TXNDC16: variants seen among roughly 807,000 people sequenced by gnomAD.
The protein encoded by TXNDC16 is thioredoxin domain-containing protein 16.
TXNDC16 carries 74 observed loss-of-function variants against 85.6 expected under a neutral mutation model. That is an observed-to-expected ratio of 0.86 (90% CI 0.72 to 1.05). The LOEUF is 1.05. Among genes scored for constraint, TXNDC16 ranks in the 50% least tolerant of loss-of-function variants. TXNDC16 has a pLI of 0.00. For missense variants in TXNDC16, 959 were observed against 947.0 expected (o/e 1.01, Z -0.17); for synonymous variants, 335 against 326.5 (o/e 1.03, Z -0.28).
rs561689042 is a variant in TXNDC16 at position 52,546,206 on chromosome 14, T to C, written c.-181-1835A>G. Among the ~76,000 whole-genome samples, 6 of 152,152 alleles carry C rather than the reference T, an allele frequency of 3.9e-5. No individual in the cohort carries two copies. The South Asian group carries it at 6.2e-4, about 16-fold the overall frequency. The stretch of plus-strand genomic sequence containing the variant: ...GGAAGCTAAGTCGGGAGGATCGTGA[T>C]TGAGGCTGCAGTGAGCCATGATCAT... On this transcript the variant is annotated intron_variant, in intron 1 of 20. Coordinates refer to ENST00000281741, the MANE Select transcript of TXNDC16 (RefSeq NM_020784.3).
chr14:52,519,866 G>T (rs551194151), intron 6 of TXNDC16, among the ~76,000 whole-genome samples: 9 of 152,282 alleles, frequency 5.9e-5, no homozygotes, highest in Non-Finnish European at 8.8e-5. Flanking sequence ...TCCTGTGTAA[G>T]TAAGCCTGTA....
At chr14:52,484,202 G>GA (rs1199755636) in intron 12 of TXNDC16, among the ~76,000 whole-genome samples, 1 of 150,772 alleles carries the variant, frequency 6.6e-6, no homozygotes, top group African/African-American at 2.4e-5. Context: ...ACAATAAGGG[G>GA]GGGGGGTGAT....
intron 9 of TXNDC16, among the ~76,000 whole-genome samples, chr14:52,504,093 A>G (rs1277966038): frequency 6.6e-6 from 1 of 152,236 alleles, no homozygotes; most frequent in Non-Finnish European, 1.5e-5. Flanking sequence ...TCTACGTCTG[A>G]CTGGTATACC....
chr14:52,444,876 G>C, intron 18 of TXNDC16, among the ~76,000 whole-genome samples: 1 of 152,072 alleles, frequency 6.6e-6, no homozygotes, highest in Non-Finnish European at 1.5e-5. Flanking sequence ...CTAAAAGGAT[G>C]TTCCCTGAAT....
At chr14:52,437,120 T>A (rs2035047435) in intron 20 of TXNDC16, among the ~76,000 whole-genome samples, 1 of 152,124 alleles carries the variant, frequency 6.6e-6, no homozygotes, top group Non-Finnish European at 1.5e-5. Flanking sequence ...ATATCCATAC[T>A]ACAAATATAA....
chr14:52,513,638 T>C (rs1313931367), intron 8 of TXNDC16, among the ~76,000 whole-genome samples: 1 of 147,232 alleles, frequency 6.8e-6, no homozygotes, highest in Admixed American at 6.9e-5. Flanking sequence ...AGATCAGATA[T>C]ATACATATTC....
At chr14:52,460,569 T>C (rs1298239531) in intron 16 of TXNDC16, among the ~76,000 whole-genome samples, 4 of 152,158 alleles carry the variant, frequency 2.6e-5, no homozygotes, top group Admixed American at 2.0e-4. Context: ...GAAAGTTACT[T>C]TGAGGTCAAA....
intron 16 of TXNDC16, among the ~76,000 whole-genome samples, chr14:52,459,793 T>C (rs1255821097): frequency 6.6e-6 from 1 of 152,172 alleles, no homozygotes; most frequent in Non-Finnish European, 1.5e-5. Flanking sequence ...ATTTATCTCA[T>C]AAACAGAACT....
At position 52,432,208 on chromosome 14, in the gene TXNDC16, T is replaced by C; in HGVS notation, c.*96A>G. ...ATATTATAATTCTATTGGATGGCAC[T>C]AGTCTGCAAACTTGAAATGATTTAA... On this transcript the variant is annotated 3_prime_UTR_variant, in exon 21 of 21. Coordinates refer to ENST00000281741, the MANE Select transcript of TXNDC16 (RefSeq NM_020784.3). 2 of 1,082,092 alleles carry C rather than the reference T, an allele frequency of 1.8e-6. No homozygotes were observed. Among genetic ancestry groups the C allele is most frequent in the South Asian group, 1.8e-5 (1 of 54,520 alleles). The allele number at this position is 1,082,092 out of a possible 1,614,324, so 67.0% of individuals were successfully genotyped here.
chr14:52,488,209 T>C (rs138351002), intron 12 of TXNDC16, among the ~76,000 whole-genome samples, 154 bp downstream of exon 12: 1 of 152,338 alleles, frequency 6.6e-6, no homozygotes. Context: ...ACAAATCAAC[T>C]TGATAAAATG....
At chr14:52,506,581 G>A (rs28804506) in intron 9 of TXNDC16, among the ~76,000 whole-genome samples, 18,219 of 111,210 alleles carry the variant, frequency 0.16, 2,029 homozygotes, top group Admixed American at 0.21. Context: ...ACGGAGTCTC[G>A]CTCTGTCGCC....
intron 15 of TXNDC16, 50 bp from the exon 16 acceptor site, chr14:52,470,223 AGTTTGT>A: frequency 7.2e-7 from 1 of 1,398,362 alleles, no homozygotes; most frequent in African/African-American, 1.5e-5. Flanking sequence ...AGATATTTTC[AGTTTGT>A]AAAAAAAAAG....
intron 6 of TXNDC16, among the ~76,000 whole-genome samples, chr14:52,531,504 C>A (rs963107959): frequency 1.2e-4 from 18 of 152,026 alleles, no homozygotes; most frequent in African/African-American, 3.9e-4. Context: ...ACTATCAAGC[C>A]ATGAAAAGAC....
chr14:52,534,913 A>G (rs2037664963), intron 6 of TXNDC16, among the ~76,000 whole-genome samples: 5 of 152,164 alleles, frequency 3.3e-5, no homozygotes, highest in Admixed American at 3.3e-4. Flanking sequence ...AGCACTAAGA[A>G]CAGGACACTA....
chr14:52,539,670 T>C (rs1431331848), intron 4 of TXNDC16, among the ~76,000 whole-genome samples: 1 of 152,086 alleles, frequency 6.6e-6, no homozygotes, highest in Non-Finnish European at 1.5e-5. Flanking sequence ...GAAGTAAAAA[T>C]GAAGGTATAG....
At chr14:52,435,057 T>C (rs374508920) in intron 20 of TXNDC16, among the ~76,000 whole-genome samples, 10 of 152,204 alleles carry the variant, frequency 6.6e-5, no homozygotes, top group African/African-American at 2.4e-4. Context: ...TAGGTGATGA[T>C]AATACATTAG....
intron 14 of TXNDC16, among the ~76,000 whole-genome samples, chr14:52,474,023 A>G (rs2140135975): frequency 6.6e-6 from 1 of 152,342 alleles, no homozygotes; most frequent in East Asian, 1.9e-4. Context: ...TTTATCTGAT[A>G]TCTGATTACC....
At chr14:52,488,256 G>A in intron 12 of TXNDC16, 107 bp downstream of exon 12, 1 of 1,374,590 alleles carries the variant, frequency 7.3e-7, no homozygotes, top group Non-Finnish European at 1.0e-6. Flanking sequence ...TCTTTACAGA[G>A]TCTTGAATCT....
intron 6 of TXNDC16, among the ~76,000 whole-genome samples, chr14:52,525,535 CAAA>C (rs397853370): frequency 7.3e-6 from 1 of 136,138 alleles, no homozygotes; most frequent in African/African-American, 2.7e-5. Flanking sequence ...ACTAAAAATA[CAAA>C]AAAAAAAAAA....
Sources: allele counts gnomAD v4.1 joint callset (sites outside exome capture counted in the v4.1 genomes callset), GRCh38; gene constraint gnomAD v4.1.1; transcripts MANE v1.5; gene names NCBI Gene and HGNC (gene_info 2026-07-23, HGNC 2026-07-21).